LRRC37A: variants seen among roughly 807,000 people sequenced by gnomAD.
The protein encoded by LRRC37A is leucine-rich repeat-containing protein 37A.
In LRRC37A, 3 loss-of-function variants were observed where a neutral mutation model predicts 35.4. The observed-to-expected ratio is 0.08, with a 90% CI of 0.04 to 0.22. LRRC37A has a LOEUF of 0.22. Ranked by LOEUF, LRRC37A falls within the 10% of genes least tolerant of loss-of-function variation. The pLI, the probability that LRRC37A is intolerant of heterozygous loss-of-function variation, is 1.00. For missense variants in LRRC37A, 67 were observed against 565.3 expected (o/e 0.12, Z 8.94); for synonymous variants, 23 against 215.0 (o/e 0.11, Z 7.81).
Position 46,308,998 on chromosome 17 carries a change from A to G in LRRC37A, c.2906+2689A>G, listed in dbSNP as rs2143691281. ...AAATCATCCCTGGGTTCCAATAGTTACAACCCAGTAAATCTCTTGAATGAA... is the reference window on the plus strand; with the variant it reads ...AAATCATCCCTGGGTTCCAATAGTTGCAACCCAGTAAATCTCTTGAATGAA... On this transcript the variant is annotated intron_variant, in intron 5 of 13. Transcript: ENST00000320254. 2.7e-5 allele frequency among the ~76,000 whole-genome samples: 2 copies of G among 73,478 alleles called. 1 individual carries two copies. Among genetic ancestry groups the G allele is most frequent in the East Asian group, 5.2e-4 (2 of 3,870 alleles). 48.2% of individuals were successfully genotyped at this position (73,478 alleles called of 152,430 possible).
At chr17:46,268,803 A>G in the LRRC37A span, 7 of 792,490 alleles carry the variant, frequency 8.8e-6, no homozygotes, top group African/African-American at 2.0e-5. Context: ...AAGCTACTCT[A>G]TGAATGACCT....
At chr17:46,269,417 C>G in the LRRC37A span, among the ~76,000 whole-genome samples, 1 of 152,124 alleles carries the variant, frequency 6.6e-6, no homozygotes, top group East Asian at 1.9e-4. Flanking sequence ...GCCTGTAATC[C>G]CAGCTGAGGG....
chr17:46,258,943 C>A, the LRRC37A span, among the ~76,000 whole-genome samples: 1 of 149,402 alleles, frequency 6.7e-6, no homozygotes. Flanking sequence ...TGGTCTCGAT[C>A]TCCTGACCTC....
At chr17:46,259,546 A>G in the LRRC37A span, 4,207 of 1,609,668 alleles carry the variant, frequency 2.6e-3, 53 homozygotes, top group African/African-American at 0.03. Context: ...GAGAGAATGG[A>G]GTCACTGTTT....
chr17:46,289,014 CTCAATA>C (rs2049995778), upstream of LRRC37A, among the ~76,000 whole-genome samples: 5 of 152,232 alleles, frequency 3.3e-5, no homozygotes, highest in African/African-American at 1.2e-4. Context: ...ATACTATTGT[CTCAATA>C]TGCATTTTGC....
At chr17:46,266,111 C>T in the LRRC37A span, among the ~76,000 whole-genome samples, 2 of 152,204 alleles carry the variant, frequency 1.3e-5, no homozygotes, top group African/African-American at 4.8e-5. Context: ...TAGAAATTGC[C>T]TAACATACAC....
the LRRC37A span, among the ~76,000 whole-genome samples, chr17:46,265,548 G>T: frequency 6.6e-6 from 1 of 151,082 alleles, no homozygotes; most frequent in Admixed American, 6.6e-5. Flanking sequence ...GCACGATCTC[G>T]GCTCACTGCA....
At chr17:46,291,592 T>C (rs1452983147), upstream of LRRC37A, among the ~76,000 whole-genome samples, 3 of 151,686 alleles carry the variant, frequency 2.0e-5, no homozygotes, top group East Asian at 1.9e-4. Context: ...CTTGCAAAAT[T>C]CAAATGTTTG....
the LRRC37A span, among the ~76,000 whole-genome samples, chr17:46,287,372 G>C: frequency 6.6e-6 from 1 of 152,158 alleles, no homozygotes; most frequent in African/African-American, 2.4e-5. Flanking sequence ...TCAATATCAG[G>C]GCTATTTCTT....
the LRRC37A span, among the ~76,000 whole-genome samples, chr17:46,287,338 C>T: frequency 6.6e-6 from 1 of 152,394 alleles, no homozygotes; most frequent in African/African-American, 2.4e-5. Context: ...TTACACCTGT[C>T]AAACCTATTC....
At position 46,311,540 on chromosome 17, in the gene LRRC37A, A is replaced by T. The variant is rs1289192491; in HGVS notation, c.2906+5231A>T. ...AGTGATGACATGCTCCAGTCCTTTC[A>T]TCTCTGTCTCCTCAGTTAATAGAAA... is the stretch of plus-strand genomic sequence containing the variant. On this transcript the variant is annotated intron_variant, in intron 5 of 13. Coordinates refer to ENST00000320254, the Ensembl canonical transcript of LRRC37A. Among the ~76,000 whole-genome samples the T allele has an allele frequency of 8.0e-5, 6 of 75,462 alleles. 1 individual carries two copies. The highest frequency in any genetic ancestry group is 2.2e-4 in the African/African-American group (6 of 27,078). The allele number at this position is 75,462 out of a possible 152,430, so 49.5% of individuals were successfully genotyped here.
the LRRC37A span, among the ~76,000 whole-genome samples, chr17:46,249,914 C>A: frequency 1.3e-5 from 2 of 152,216 alleles, no homozygotes; most frequent in Admixed American, 6.5e-5. Context: ...AAGCAATTCT[C>A]CTGCCTCAGC....
the LRRC37A span, among the ~76,000 whole-genome samples, chr17:46,264,394 G>A: frequency 1.2e-4 from 18 of 152,312 alleles, no homozygotes; most frequent in Admixed American, 3.3e-4. Context: ...CTCCCGACAG[G>A]TATACACACC....
chr17:46,278,401 GT>G, the LRRC37A span, among the ~76,000 whole-genome samples: 6 of 129,626 alleles, frequency 4.6e-5, no homozygotes, highest in South Asian at 2.2e-4. Flanking sequence ...GTTTTATTTT[GT>G]TTTTTTTTTG....
the LRRC37A span, among the ~76,000 whole-genome samples, chr17:46,258,707 CTTTTTTTT>C: frequency 7.4e-5 from 6 of 81,126 alleles, no homozygotes; most frequent in African/African-American, 3.0e-4. Flanking sequence ...GACTATTATT[CTTTTTTTT>C]TTTTTTTTTT....
chr17:46,254,646 A>T, the LRRC37A span, among the ~76,000 whole-genome samples: 1 of 150,550 alleles, frequency 6.6e-6, no homozygotes, highest in African/African-American at 2.5e-5. Context: ...GGTTGAAGCG[A>T]TTCTCCTGTC....
chr17:46,253,867 T>G, the LRRC37A span, among the ~76,000 whole-genome samples: 1 of 152,206 alleles, frequency 6.6e-6, no homozygotes, highest in Admixed American at 6.5e-5. Flanking sequence ...AACCTTTCTA[T>G]TGTAATTTAC....
the LRRC37A span, among the ~76,000 whole-genome samples, chr17:46,254,614 T>C: frequency 6.6e-6 from 1 of 151,488 alleles, no homozygotes; most frequent in Non-Finnish European, 1.5e-5. Context: ...CGGTCTTGGC[T>C]CACTGCAACC....
chr17:46,277,408 C>G, the LRRC37A span, among the ~76,000 whole-genome samples: 1 of 152,182 alleles, frequency 6.6e-6, no homozygotes, highest in Non-Finnish European at 1.5e-5. Context: ...AGGATTCACA[C>G]CCCTTGGCTT....
Sources: gnomAD v4.1 joint callset for allele counts (sites outside exome capture counted in the v4.1 genomes callset) on GRCh38, gnomAD v4.1.1 for gene constraint, MANE v1.5 for transcripts, NCBI Gene and HGNC (gene_info 2026-07-23, HGNC 2026-07-21) for gene names.